The following OSBPL9 variants were observed in gnomAD, a reference collection of about 807,000 sequenced individuals.
OSBPL9 encodes the protein oxysterol binding protein like 9, also known as oxysterol-binding protein-related protein 9.
In OSBPL9, 40 loss-of-function variants were observed where a neutral mutation model predicts 106.6. The observed-to-expected ratio is 0.38, with a 90% confidence interval of 0.29 to 0.49. OSBPL9 has a LOEUF of 0.49. OSBPL9 is among the 20% of genes least tolerant of loss of function. OSBPL9 has a pLI of 0.97. For synonymous variants in OSBPL9, 269 were observed against 295.4 expected (o/e 0.91, Z 0.92); for missense variants, 609 against 887.2 (o/e 0.69, Z 3.98).
Position 51,772,088 on chromosome 1 carries a change from A to T in OSBPL9, c.957A>T (p.Ser319=), listed in dbSNP as rs747302688. 4.3e-6 allele frequency: 7 copies of T among 1,613,324 alleles called. No homozygotes were observed. The South Asian group carries it at 6.6e-5, about 15-fold the overall frequency. The change falls in exon 13 of 24, where the codon TCA becomes TCT. Residue 319 remains serine (S), a synonymous_variant. Coordinates refer to ENST00000428468, the MANE Select transcript of OSBPL9 (RefSeq NM_024586.6). ...TTTATAGTTCTTCTGGATCTGCCTC[A>T]GTCCTGACACACAGCAGCTCGGGAA... is the stretch of plus-strand genomic sequence containing the variant. ...KRLIDSSGSA[S]VLTHSSSGNS...
the OSBPL9 span, among the ~76,000 whole-genome samples, chr1:51,524,334 G>A: frequency 7.9e-5 from 12 of 152,312 alleles, no homozygotes; most frequent in African/African-American, 2.6e-4. Flanking sequence ...AAGAAGCTGA[G>A]TTTAGGACTG....
intron 1 of OSBPL9, among the ~76,000 whole-genome samples, chr1:51,593,289 A>G (rs748525370): frequency 6.6e-6 from 1 of 152,128 alleles, no homozygotes; most frequent in Non-Finnish European, 1.5e-5. Context: ...TCCAAACTCA[A>G]CTTCAGTCAG....
At chr1:51,637,354 G>A (rs184574714) in intron 1 of OSBPL9, among the ~76,000 whole-genome samples, 1 of 152,242 alleles carries the variant, frequency 6.6e-6, no homozygotes, top group East Asian at 1.9e-4. Flanking sequence ...GCCGGGCTTG[G>A]TGGCGCATGC....
upstream of OSBPL9, among the ~76,000 whole-genome samples, chr1:51,612,490 G>A (rs1018005341): frequency 2.0e-5 from 3 of 152,210 alleles, no homozygotes; most frequent in Admixed American, 2.0e-4. Flanking sequence ...GCCAGTCACT[G>A]AGGAATGTAG....
At chr1:51,625,269 A>G (rs997890920) in intron 1 of OSBPL9, among the ~76,000 whole-genome samples, 3 of 152,218 alleles carry the variant, frequency 2.0e-5, no homozygotes, top group Non-Finnish European at 4.4e-5. Context: ...TGCCACTCCA[A>G]AAGTGGCAAT....
chr1:51,741,052 T>C (rs1273294016), intron 4 of OSBPL9, among the ~76,000 whole-genome samples: 3 of 151,786 alleles, frequency 2.0e-5, no homozygotes, highest in African/African-American at 7.3e-5. Flanking sequence ...AAAGTATAAA[T>C]AGTGTTTAAT....
chr1:51,643,165 T>C (rs1341720857), intron 1 of OSBPL9, among the ~76,000 whole-genome samples: 1 of 152,164 alleles, frequency 6.6e-6, no homozygotes, highest in South Asian at 2.1e-4. Flanking sequence ...ACTCCTGTGA[T>C]AGTGACATTA....
chr1:51,640,415 C>T (rs1303056363), intron 1 of OSBPL9, among the ~76,000 whole-genome samples: 2 of 152,148 alleles, frequency 1.3e-5, no homozygotes, highest in African/African-American at 2.4e-5. Context: ...GTTGGAGATA[C>T]AATTAAGTAG....
At chr1:51,728,597 G>A (rs189551146) in intron 4 of OSBPL9, among the ~76,000 whole-genome samples, 9 of 152,298 alleles carry the variant, frequency 5.9e-5, no homozygotes, top group Admixed American at 3.3e-4. Context: ...GAAGGGGAGA[G>A]TGCATCTGGT....
At chr1:51,673,806 CTG>C (rs757390718) in intron 3 of OSBPL9, among the ~76,000 whole-genome samples, 4 of 152,008 alleles carry the variant, frequency 2.6e-5, no homozygotes, top group Non-Finnish European at 5.9e-5. Context: ...GAGTTTAAGA[CTG>C]TAGTGTTCTA....
At chr1:51,564,036 C>T in the OSBPL9 span, among the ~76,000 whole-genome samples, 3 of 37,612 alleles carry the variant, frequency 8.0e-5, no homozygotes, top group Non-Finnish European at 1.6e-4. Context: ...GCCTGGGTGA[C>T]AGAGCGAGAT....
the OSBPL9 span, chr1:51,519,244 A>T: frequency 8.6e-7 from 1 of 1,161,988 alleles, no homozygotes; most frequent in Non-Finnish European, 1.1e-6. Context: ...TGTTTCCATC[A>T]TGCAAGGGAG....
intron 1 of OSBPL9, among the ~76,000 whole-genome samples, chr1:51,591,076 G>A (rs985590111): frequency 2.6e-5 from 4 of 151,974 alleles, no homozygotes; most frequent in Admixed American, 2.0e-4. Flanking sequence ...CTGCCACCAA[G>A]CCCAGCTAAT....
chr1:51,525,519 T>TTG, the OSBPL9 span, among the ~76,000 whole-genome samples: 1,490 of 152,308 alleles, frequency 9.8e-3, 81 homozygotes, highest in East Asian at 0.13. Flanking sequence ...AGAGGATGCC[T>TTG]TGTTCAGGCC....
upstream of OSBPL9, among the ~76,000 whole-genome samples, chr1:51,616,642 C>G (rs973986101): frequency 6.6e-6 from 1 of 152,198 alleles, no homozygotes; most frequent in Non-Finnish European, 1.5e-5. Context: ...ATATAATTTA[C>G]TATTTATTTT....
intron 1 of OSBPL9, among the ~76,000 whole-genome samples, chr1:51,597,036 T>G: frequency 6.6e-6 from 1 of 152,040 alleles, no homozygotes; most frequent in East Asian, 1.9e-4. Flanking sequence ...GACACTTTGG[T>G]TGCCATGTAT....
intron 2 of OSBPL9, among the ~76,000 whole-genome samples, chr1:51,657,627 G>A (rs1646894599): frequency 1.3e-5 from 2 of 152,218 alleles, no homozygotes; most frequent in Admixed American, 1.3e-4. Context: ...AAGCAGAAAA[G>A]TGAAAAACCT....
chr1:51,706,611 T>C (rs1658590734), intron 3 of OSBPL9, among the ~76,000 whole-genome samples: 1 of 151,410 alleles, frequency 6.6e-6, no homozygotes, highest in Non-Finnish European at 1.5e-5. Flanking sequence ...ATCAATTCCT[T>C]TTCTACTCAT....
chr1:51,734,305 C>T (rs1665161920), intron 4 of OSBPL9, among the ~76,000 whole-genome samples: 1 of 152,164 alleles, frequency 6.6e-6, no homozygotes, highest in Non-Finnish European at 1.5e-5. Context: ...ATTCTGCTTA[C>T]TCCGTTGTTT....
Sources: gnomAD v4.1 joint callset for allele counts (sites outside exome capture counted in the v4.1 genomes callset) on GRCh38, gnomAD v4.1.1 for gene constraint, MANE v1.5 for transcripts, NCBI Gene and HGNC (gene_info 2026-07-23, HGNC 2026-07-21) for gene names.